FGD3: variants seen among roughly 807,000 people sequenced by gnomAD.
FGD3 encodes FYVE, RhoGEF and PH domain-containing protein 3.
A neutral mutation model predicts 71.8 loss-of-function variants in FGD3; 45 were observed. That is an observed-to-expected ratio of 0.63 (90% CI 0.49 to 0.80). The LOEUF is 0.80. Ranked by LOEUF, FGD3 falls within the 30% of genes least tolerant of loss-of-function variation. The pLI is 0.00. For missense variants in FGD3, 844 were observed against 951.5 expected (o/e 0.89, Z 1.49); for synonymous variants, 378 against 392.8 (o/e 0.96, Z 0.44).
At chr9:93,032,106 T>C (rs1187841567) in intron 15 of FGD3, among the ~76,000 whole-genome samples, 3 of 152,262 alleles carry the variant, frequency 2.0e-5, no homozygotes, top group Non-Finnish European at 2.9e-5. Flanking sequence ...CATCTGCCGA[T>C]GGACACGGGT....
Position 92,953,580 on chromosome 9 carries a change from T to C in FGD3, c.-218+5851T>C, listed in dbSNP as rs527896569. Among the ~76,000 whole-genome samples the C allele has an allele frequency of 2.6e-5, 4 of 152,332 alleles. No individual in the cohort carries two copies. In the East Asian group the frequency reaches 7.7e-4, roughly 29 times the overall value. ...TCCCAGGGAGCCCCCAGGAACTTGGTGTCCAGGGATATTTTCCCCATGTTG... is the reference window on the plus strand; with the variant it reads ...TCCCAGGGAGCCCCCAGGAACTTGGCGTCCAGGGATATTTTCCCCATGTTG... On this transcript the variant is annotated intron_variant, in intron 1 of 17. Coordinates refer to ENST00000375482, the MANE Select transcript of FGD3 (RefSeq NM_001083536.2).
intron 3 of FGD3, among the ~76,000 whole-genome samples, chr9:92,988,437 T>G (rs1212369484): frequency 1.3e-5 from 2 of 152,332 alleles, no homozygotes; most frequent in East Asian, 3.9e-4. Flanking sequence ...GGACCCTTTC[T>G]TATCTGCCTC....
At chr9:92,966,976 G>C (rs34405247) in intron 1 of FGD3, among the ~76,000 whole-genome samples, 19 of 147,020 alleles carry the variant, frequency 1.3e-4, no homozygotes, top group Non-Finnish European at 2.4e-4. Flanking sequence ...TTTTTTTTTG[G>C]GGGGGGATGG....
At chr9:92,990,623 T>C (rs11999513) in intron 3 of FGD3, among the ~76,000 whole-genome samples, 5,604 of 152,316 alleles carry the variant, frequency 0.037, 298 homozygotes, top group African/African-American at 0.12. Context: ...AGGGCGTTTA[T>C]AATAAAGGGA....
intron 1 of FGD3, among the ~76,000 whole-genome samples, chr9:92,961,713 T>A (rs1370677794): frequency 2.0e-5 from 3 of 152,158 alleles, no homozygotes; most frequent in Non-Finnish European, 4.4e-5. Flanking sequence ...TGCAGTGTCA[T>A]CTGAAGGCCT....
At chr9:93,026,660 T>C (rs1862125467) in intron 14 of FGD3, among the ~76,000 whole-genome samples, 1 of 152,228 alleles carries the variant, frequency 6.6e-6, no homozygotes, top group Non-Finnish European at 1.5e-5. Context: ...GCTTCCAGAA[T>C]TGTCCTCTGT....
At chr9:93,022,211 C>G in intron 13 of FGD3, 116 bp from the exon 14 acceptor site, 1 of 1,004,012 alleles carries the variant, frequency 1.0e-6, no homozygotes, top group East Asian at 2.6e-5. Flanking sequence ...AAATCCTGCT[C>G]CCGAGCCTGC....
At position 93,003,880 on chromosome 9, in the gene FGD3, A is replaced by C; in HGVS notation, c.544-121A>C. ...AGGACAATAATTCTGAAATTCATTA[A>C]GAAAACACAAGGTGGCAGCAGCGGC... On this transcript the variant is annotated intron_variant, in intron 4 of 17. Coordinates refer to ENST00000375482, the MANE Select transcript of FGD3 (RefSeq NM_001083536.2). The surrounding 1 kb of genome is among the most constrained non-coding windows in gnomAD (Gnocchi z 4.1). The C allele has an allele frequency of 8.3e-7, 1 of 1,208,270 alleles. No homozygotes were observed. Among genetic ancestry groups the C allele is most frequent in the Non-Finnish European group, 1.2e-6 (1 of 853,666 alleles). 74.8% of individuals were successfully genotyped at this position (1,208,270 alleles called of 1,614,324 possible).
At chr9:92,994,749 G>A (rs946286601) in intron 3 of FGD3, among the ~76,000 whole-genome samples, 3 of 152,170 alleles carry the variant, frequency 2.0e-5, no homozygotes, top group Non-Finnish European at 4.4e-5. Context: ...CCCATTGCTT[G>A]TTTTAGTCAG....
intron 3 of FGD3, among the ~76,000 whole-genome samples, chr9:92,996,617 G>C (rs1036845197): frequency 4.6e-5 from 7 of 152,152 alleles, no homozygotes; most frequent in African/African-American, 1.7e-4. Flanking sequence ...AGCATTTAGT[G>C]CTATAAATTT....
intron 3 of FGD3, among the ~76,000 whole-genome samples, chr9:92,984,515 T>G (rs954917115): frequency 6.6e-6 from 1 of 152,182 alleles, no homozygotes; most frequent in African/African-American, 2.4e-5. Flanking sequence ...GAGAGATGCC[T>G]TGGTTAGATT....
chr9:92,962,701 G>A (rs1196333483), intron 1 of FGD3, among the ~76,000 whole-genome samples: 2 of 152,172 alleles, frequency 1.3e-5, no homozygotes, highest in Non-Finnish European at 2.9e-5. Flanking sequence ...AGCACTTTAG[G>A]AGGCCGAGGC....
intron 8 of FGD3, among the ~76,000 whole-genome samples, chr9:93,012,212 G>GT (rs1416889912): frequency 1.3e-5 from 2 of 151,512 alleles, no homozygotes; most frequent in Non-Finnish European, 2.9e-5. Flanking sequence ...AATTTCCTTT[G>GT]TTTTCTAAGT....
chr9:92,976,433 A>C lies in FGD3; in HGVS notation c.177A>C (p.Ile59=). The C allele has an allele frequency of 6.2e-7, 1 of 1,611,812 alleles. No homozygotes were observed. Among genetic ancestry groups the C allele is most frequent in the Non-Finnish European group, 8.5e-7 (1 of 1,179,362 alleles). ...LAAAGDGSPD[I]GPTGELSGSL... is the part of the protein sequence containing the mutation. Reference sequence around the variant, plus strand: ...CAGCAGGGGACGGCTCTCCAGACATAGGCCCCACGGGAGAGCTGAGTGGTA... The same window carrying C: ...CAGCAGGGGACGGCTCTCCAGACATCGGCCCCACGGGAGAGCTGAGTGGTA... The change falls in exon 3 of 18, where the codon ATA becomes ATC. Residue 59 remains isoleucine, a synonymous_variant. Coordinates refer to ENST00000375482, the MANE Select transcript of FGD3 (RefSeq NM_001083536.2).
At position 92,968,599 on chromosome 9, in the gene FGD3, C is replaced by CTTTT. The variant is rs1564143464; in HGVS notation, c.-217-6636_-217-6635insTTTT. ...TAATTTTTGTTTTCTTTTCTTTTTT[C>CTTTT]TTTCTTTCTTTTTTTTTTTTTTGAC... is the stretch of plus-strand genomic sequence containing the variant. On this transcript the variant is annotated intron_variant, in intron 1 of 17. Coordinates refer to ENST00000375482, the MANE Select transcript of FGD3 (RefSeq NM_001083536.2). Among the ~76,000 whole-genome samples the CTTTT allele has an allele frequency of 2.4e-4, 24 of 98,920 alleles. 3 individuals carry two copies. Among genetic ancestry groups the CTTTT allele is most frequent in the Admixed American group, 5.3e-4 (5 of 9,380 alleles). The allele number at this position is 98,920 out of a possible 152,430, so 64.9% of individuals were successfully genotyped here. A position where few individuals can be genotyped will look rare whatever the true frequency, so the allele number is the denominator to read the frequency against.
chr9:93,011,092 C>T lies in FGD3; in HGVS notation c.977-122C>T, dbSNP rs577047839. 2.1e-4 allele frequency: 216 copies of T among 1,024,300 alleles called. 6 individuals are homozygous for T. The highest frequency in any genetic ancestry group is 2.0e-3 in the South Asian group (152 of 75,780). The allele number at this position is 1,024,300 out of a possible 1,614,324, so 63.5% of individuals were successfully genotyped here. A position where few individuals can be genotyped will look rare whatever the true frequency, so the allele number is the denominator to read the frequency against. ...CCAGTCCTCTAGAGTAGCCCAGGCA[C>T]CCTGGGAAAGGCTGAGGGCAGAGAC... is the stretch of plus-strand genomic sequence containing the variant. On this transcript the variant is annotated intron_variant, in intron 7 of 17. Transcript: ENST00000375482.
intron 14 of FGD3, among the ~76,000 whole-genome samples, chr9:93,027,869 GCCA>G (rs1040536510): frequency 6.6e-6 from 1 of 151,762 alleles, no homozygotes; most frequent in African/African-American, 2.4e-5. Flanking sequence ...ACAGGCACGT[GCCA>G]CCACATCAGC....
chr9:92,982,758 G>C (rs1860046059), intron 3 of FGD3, among the ~76,000 whole-genome samples: 1 of 151,998 alleles, frequency 6.6e-6, no homozygotes, highest in South Asian at 2.1e-4. Context: ...CCTGCATTTA[G>C]GAGCACCTGT....
At chr9:92,959,706 C>CAAA (rs10658844) in intron 1 of FGD3, among the ~76,000 whole-genome samples, 1,403 of 79,734 alleles carry the variant, frequency 0.018, 50 homozygotes, top group Middle Eastern at 0.032. Flanking sequence ...AACTCAGTCT[C>CAAA]AAAAAAAAAA....
Sources: gnomAD v4.1 joint callset for allele counts (sites outside exome capture counted in the v4.1 genomes callset) on GRCh38, gnomAD v4.1.1 for gene constraint, Gnocchi (gnomAD v3.1) non-coding constraint, MANE v1.5 for transcripts, NCBI Gene and HGNC (gene_info 2026-07-23, HGNC 2026-07-21) for gene names.